The following LCMT1 variants were observed in gnomAD, a reference collection of about 807,000 sequenced individuals.
LCMT1 encodes the protein [Phosphatase 2A protein]-leucine-carboxy methyltransferase 1.
In LCMT1, 32 loss-of-function variants were observed where a neutral mutation model predicts 47.7. The ratio of observed to expected loss-of-function variants is 0.67; its 90% confidence interval spans 0.51 to 0.90. The LOEUF (loss-of-function observed/expected upper bound fraction) is 0.90. Ranked by LOEUF, LCMT1 falls within the 40% of genes least tolerant of loss-of-function variation. LCMT1 has a pLI of 0.00. For missense variants in LCMT1, 375 were observed against 415.2 expected (o/e 0.90, Z 0.84); for synonymous variants, 152 against 149.7 (o/e 1.02, Z -0.11).
At chr16:25,156,062 C>G (rs1480441460) in intron 5 of LCMT1, among the ~76,000 whole-genome samples, 2 of 152,072 alleles carry the variant, frequency 1.3e-5, no homozygotes, top group African/African-American at 4.8e-5. Flanking sequence ...GAATGTTCTT[C>G]CCCTCAGTCC....
At chr16:25,124,749 A>G (rs1303216873) in intron 1 of LCMT1, among the ~76,000 whole-genome samples, 2 of 152,360 alleles carry the variant, frequency 1.3e-5, no homozygotes, top group Non-Finnish European at 2.9e-5. Flanking sequence ...GACAGGTCTC[A>G]GTCAGTAAAT....
chr16:25,177,168 C>T (rs188526647), intron 10 of LCMT1, among the ~76,000 whole-genome samples: 76 of 151,006 alleles, frequency 5.0e-4, no homozygotes, highest in Non-Finnish European at 8.6e-4. Context: ...CAACAGAGCG[C>T]GACTCTGTCT....
chr16:25,120,314 C>G (rs987573071), intron 1 of LCMT1, among the ~76,000 whole-genome samples: 4 of 151,490 alleles, frequency 2.6e-5, no homozygotes, highest in African/African-American at 9.7e-5. Flanking sequence ...ACCTCCGCCT[C>G]CCGGGTTCAA....
chr16:25,169,414 A>G (rs1961687987), intron 8 of LCMT1: 1 of 482,150 alleles, frequency 2.1e-6, no homozygotes, highest in African/African-American at 1.9e-5. Context: ...CCTACACCCT[A>G]TTATTTTGAC....
At chr16:25,168,257 C>G (rs1289976676) in intron 7 of LCMT1, among the ~76,000 whole-genome samples, 1 of 152,062 alleles carries the variant, frequency 6.6e-6, no homozygotes, top group African/African-American at 2.4e-5. Flanking sequence ...CCATGTTGGC[C>G]AGGCTGGTAT....
intron 5 of LCMT1, among the ~76,000 whole-genome samples, chr16:25,155,278 T>A (rs1961218327): frequency 6.6e-6 from 1 of 152,086 alleles, no homozygotes; most frequent in Admixed American, 6.5e-5. Flanking sequence ...GAAGGTGTTT[T>A]TAAAAAGGAA....
At position 25,149,513 on chromosome 16, in the gene LCMT1, A is replaced by G. The variant is rs1309571728; in HGVS notation, c.405-2041A>G. 2.0e-5 allele frequency among the ~76,000 whole-genome samples: 3 copies of G among 152,314 alleles called. No homozygotes were observed. In the East Asian group the frequency reaches 5.8e-4, roughly 29 times the overall value. ...CTGTTCTTTTTCATTATGACTCTCC[A>G]TCCATTAATGTAGTTGCCTGGAACA... On this transcript the variant is annotated intron_variant, in intron 4 of 10. Transcript: ENST00000399069.
Position 25,161,175 on chromosome 16 carries a change from G to T in LCMT1, c.540G>T (p.Glu180Asp), listed in dbSNP as rs1273665492. ...TCCGAGACCTGTCTGAACTGGAAGAGAAGCTAAAGAAATGTAACATGAATA... is the reference window on the plus strand; with the variant it reads ...TCCGAGACCTGTCTGAACTGGAAGATAAGCTAAAGAAATGTAACATGAATA... ...ADLRDLSELE[E>D]KLKKCNMNTQ... is the part of the protein sequence containing the mutation. The change falls in exon 6 of 11, where the codon GAG becomes GAT. Residue 180 changes from glutamate to aspartate, a missense_variant. By Grantham distance (45) the Glu-to-Asp change is conservative. Transcript: ENST00000399069. 6.2e-7 allele frequency: 1 copy of T among 1,607,108 alleles called. No individual in the cohort carries two copies. The highest frequency in any genetic ancestry group is 8.5e-7 in the Non-Finnish European group (1 of 1,176,968).
intron 2 of LCMT1, among the ~76,000 whole-genome samples, chr16:25,129,520 A>G (rs986211069): frequency 5.1e-4 from 78 of 152,218 alleles, no homozygotes; most frequent in Non-Finnish European, 4.1e-4. Context: ...CTTTCACTGT[A>G]AACTGTCCCT....
intron 9 of LCMT1, among the ~76,000 whole-genome samples, chr16:25,172,308 C>T (rs76217419): frequency 8.0e-6 from 1 of 125,734 alleles, no homozygotes; most frequent in Non-Finnish European, 1.7e-5. Context: ...AACTCTGTCT[C>T]AAAAAAAAAA....
chr16:25,157,777 T>G (rs547208069), intron 5 of LCMT1, among the ~76,000 whole-genome samples: 2 of 152,324 alleles, frequency 1.3e-5, no homozygotes, highest in Middle Eastern at 6.8e-3. Context: ...ATTTAATCAC[T>G]TGTGGTCATC....
At chr16:25,170,591 C>T in intron 8 of LCMT1, 123 bp from the exon 9 acceptor site, 1 of 737,674 alleles carries the variant, frequency 1.4e-6, no homozygotes, top group African/African-American at 1.8e-5. Context: ...GATCACACCA[C>T]TGCACTTCAG....
intron 9 of LCMT1, among the ~76,000 whole-genome samples, chr16:25,172,255 C>T (rs1027076006): frequency 1.3e-5 from 2 of 149,884 alleles, no homozygotes; most frequent in East Asian, 2.0e-4. Flanking sequence ...TGCAGTGAGC[C>T]GAGGTAGCAC....
intron 9 of LCMT1, among the ~76,000 whole-genome samples, chr16:25,171,738 G>A (rs188264584): frequency 1.1e-4 from 17 of 152,248 alleles, no homozygotes; most frequent in Non-Finnish European, 2.2e-4. Flanking sequence ...TATGCTTCTT[G>A]TTCTAAAAAG....
At chr16:25,131,628 A>C (rs1214032802) in intron 2 of LCMT1, among the ~76,000 whole-genome samples, 2 of 152,226 alleles carry the variant, frequency 1.3e-5, no homozygotes, top group East Asian at 3.8e-4. Context: ...ACAGCCATGC[A>C]CATACTTTGA....
intron 5 of LCMT1, among the ~76,000 whole-genome samples, chr16:25,153,451 A>C (rs1961139281): frequency 6.6e-6 from 1 of 150,910 alleles, no homozygotes; most frequent in Non-Finnish European, 1.5e-5. Context: ...AGAGAGGTGA[A>C]GGGGTGCAGA....
At chr16:25,175,479 A>AC (rs1271582243) in intron 10 of LCMT1, among the ~76,000 whole-genome samples, 1 of 151,594 alleles carries the variant, frequency 6.6e-6, no homozygotes, top group East Asian at 1.9e-4. Flanking sequence ...CAAAAAAAAA[A>AC]AAAATAGCCA....
chr16:25,169,157 C>A lies in LCMT1; in HGVS notation c.736C>A (p.Arg246=), dbSNP rs1044820578. The A allele has an allele frequency of 6.2e-7, 1 of 1,613,540 alleles. No individual in the cohort carries two copies. The highest frequency in any genetic ancestry group is 1.7e-4 in the Middle Eastern group (1 of 5,850). The change falls in exon 8 of 11, where the codon CGG becomes AGG. Residue 246 remains arginine, a synonymous_variant. Transcript: ENST00000399069. ...TGGGCAGATCATGATTGAAAACCTG[C>A]GGAGACGCCAGTGTGACCTGGCGGG... ...RFGQIMIENL[R]RRQCDLAGVE...
At chr16:25,143,372 A>G (rs1426041042) in intron 4 of LCMT1, 1 of 152,180 alleles carries the variant, frequency 6.6e-6, no homozygotes, top group African/African-American at 2.4e-5. Flanking sequence ...ACTTTCCCTG[A>G]TGATTGGGGT....
Sources: allele counts gnomAD v4.1 joint callset (sites outside exome capture counted in the v4.1 genomes callset), GRCh38; gene constraint gnomAD v4.1.1; transcripts MANE v1.5; gene names NCBI Gene and HGNC (gene_info 2026-07-23, HGNC 2026-07-21).